CDYL: variants seen among roughly 807,000 people sequenced by gnomAD.
The protein encoded by CDYL is chromodomain Y like, also known as chromodomain Y-like protein.
In CDYL, 8 loss-of-function variants were observed where a neutral mutation model predicts 47.3. The ratio of observed to expected loss-of-function variants is 0.17; its 90% CI spans 0.10 to 0.31. CDYL has a LOEUF of 0.31. Ranked by LOEUF, CDYL falls within the 10% of genes least tolerant of loss-of-function variation. The pLI is 1.00. For missense variants in CDYL, 471 were observed against 701.4 expected, an observed-to-expected ratio of 0.67 and a Z score of 3.71; for synonymous variants, 266 against 265.0, an observed-to-expected ratio of 1.00 and a Z score of -0.04.
intron 2 of CDYL, among the ~76,000 whole-genome samples, chr6:4,925,859 G>C (rs1757858570): frequency 2.0e-5 from 3 of 152,106 alleles, no homozygotes; most frequent in Admixed American, 2.0e-4. Context: ...ACACATCTCT[G>C]TGAATAAGAA....
intron 4 of CDYL, 39 bp from the exon 5 acceptor site, chr6:4,943,507 C>T (rs1391341360): frequency 5.9e-6 from 8 of 1,362,368 alleles, no homozygotes; most frequent in East Asian, 2.3e-5. Context: ...CTCAAATATG[C>T]AATGTTTTGA....
intron 1 of CDYL, among the ~76,000 whole-genome samples, chr6:4,783,165 A>G (rs1009463712): frequency 3.4e-5 from 5 of 148,714 alleles, no homozygotes; most frequent in African/African-American, 5.2e-5. Context: ...TCTATCTCAG[A>G]ACTTCCTTCT....
chr6:4,928,914 A>G (rs1327705414), intron 2 of CDYL, among the ~76,000 whole-genome samples: 1 of 152,194 alleles, frequency 6.6e-6, no homozygotes. Flanking sequence ...GTATGAAAGC[A>G]GGGGAGACAT....
exon 1 of CDYL, chr6:4,706,156 TGAG>T (rs1178076388): frequency 6.6e-6 from 1 of 152,052 alleles, no homozygotes; most frequent in East Asian, 1.9e-4. Flanking sequence ...CTTTGTTCCT[TGAG>T]GAGAGAGGAC....
intron 1 of CDYL, among the ~76,000 whole-genome samples, chr6:4,814,827 T>G (rs969490835): frequency 1.3e-5 from 2 of 152,250 alleles, no homozygotes; most frequent in Admixed American, 1.3e-4. Flanking sequence ...CCAGCCCAAA[T>G]TTAGGATTGA....
At chr6:4,851,480 C>T (rs987800208) in intron 1 of CDYL, among the ~76,000 whole-genome samples, 7 of 152,054 alleles carry the variant, frequency 4.6e-5, no homozygotes, top group Non-Finnish European at 7.4e-5. Context: ...TTGTGGCAGG[C>T]GACATCTGGG....
intron 1 of CDYL, among the ~76,000 whole-genome samples, chr6:4,875,341 G>C (rs1761590628): frequency 6.6e-6 from 1 of 152,096 alleles, no homozygotes; most frequent in South Asian, 2.1e-4. Context: ...AAATTTGTCA[G>C]TTTCCATGAA....
intron 1 of CDYL, among the ~76,000 whole-genome samples, chr6:4,779,557 G>A (rs1758555404): frequency 6.6e-6 from 1 of 152,116 alleles, no homozygotes; most frequent in Admixed American, 6.5e-5. Flanking sequence ...AAAAAATAAA[G>A]GAACAGATCC....
At chr6:4,912,248 G>C (rs771799376) in intron 2 of CDYL, among the ~76,000 whole-genome samples, 3 of 151,150 alleles carry the variant, frequency 2.0e-5, no homozygotes, top group Non-Finnish European at 4.4e-5. Flanking sequence ...TTTTTTTCCT[G>C]ACCATTAGGA....
intron 1 of CDYL, among the ~76,000 whole-genome samples, chr6:4,838,728 C>G (rs1760398687): frequency 6.6e-6 from 1 of 151,984 alleles, no homozygotes; most frequent in Admixed American, 6.6e-5. Context: ...CCTCTGTCAC[C>G]CAGGCTGGGG....
At chr6:4,907,638 G>A (rs1206682943) in intron 2 of CDYL, among the ~76,000 whole-genome samples, 2 of 152,218 alleles carry the variant, frequency 1.3e-5, no homozygotes, top group East Asian at 3.8e-4. Flanking sequence ...GCCTCCCAAA[G>A]TGCCTGTAAT....
At chr6:4,778,309 C>A (rs987689091) in intron 1 of CDYL, among the ~76,000 whole-genome samples, 2 of 152,182 alleles carry the variant, frequency 1.3e-5, no homozygotes, top group African/African-American at 4.8e-5. Flanking sequence ...ATTACATAAT[C>A]AGTTCCATCA....
At chr6:4,927,428 C>CGTGTGTGGGTGTGT (rs1757909065) in intron 2 of CDYL, among the ~76,000 whole-genome samples, 1 of 142,458 alleles carries the variant, frequency 7.0e-6, no homozygotes, top group Non-Finnish European at 1.5e-5. Flanking sequence ...ATTTACTGTA[C>CGTGTGTGGGTGTGT]GTGTGTGTGT....
intron 1 of CDYL, among the ~76,000 whole-genome samples, chr6:4,823,266 AT>A (rs958363621): frequency 1.3e-5 from 2 of 152,226 alleles, no homozygotes; most frequent in African/African-American, 4.8e-5. Context: ...CAAAGAACAA[AT>A]ATTCAGAGAA....
chr6:4,830,592 A>AT (rs199935984), intron 1 of CDYL, among the ~76,000 whole-genome samples: 4,029 of 152,080 alleles, frequency 0.026, 181 homozygotes, highest in African/African-American at 0.091. Context: ...TTATTTATTT[A>AT]TTTTAATTTT....
intron 3 of CDYL, among the ~76,000 whole-genome samples, chr6:4,744,679 A>C (rs1185461171): frequency 6.6e-6 from 1 of 152,204 alleles, no homozygotes; most frequent in African/African-American, 2.4e-5. Flanking sequence ...TATGAGGTAG[A>C]TACTACTATG....
chr6:4,710,373 G>GA (rs1424239585), intron 1 of CDYL, among the ~76,000 whole-genome samples: 2 of 136,992 alleles, frequency 1.5e-5, no homozygotes, highest in Non-Finnish European at 3.1e-5. Flanking sequence ...AGGAGGGAGG[G>GA]AGGGAGGGAA....
intron 1 of CDYL, among the ~76,000 whole-genome samples, chr6:4,712,378 C>T (rs974887432): frequency 2.0e-5 from 3 of 152,224 alleles, no homozygotes; most frequent in Admixed American, 6.5e-5. Context: ...AAGGCTGTTG[C>T]CAAGGTCCCC....
intron 1 of CDYL, among the ~76,000 whole-genome samples, chr6:4,803,559 G>A (rs112382623): frequency 0.019 from 2,852 of 152,182 alleles, 102 homozygotes; most frequent in African/African-American, 0.064. Context: ...ATAGACAGGT[G>A]TGGGCTCTGT....
Sources: allele counts gnomAD v4.1 joint callset (sites outside exome capture counted in the v4.1 genomes callset), GRCh38; gene constraint gnomAD v4.1.1; transcripts MANE v1.5; gene names NCBI Gene and HGNC (gene_info 2026-07-23, HGNC 2026-07-21).